Variants in NCOR2 observed in about 807,000 individuals in gnomAD.
NCOR2 encodes CTG repeat protein 26.
NCOR2 carries 81 observed loss-of-function variants against 262.9 expected under a neutral mutation model. The ratio of observed to expected loss-of-function variants is 0.31; its 90% CI spans 0.26 to 0.37. NCOR2 has a LOEUF of 0.37. Ranked by LOEUF, NCOR2 falls within the 10% of genes least tolerant of loss-of-function variation. NCOR2 has a pLI of 1.00. For synonymous variants in NCOR2, 1,659 were observed against 1,559.3 expected (o/e 1.06, Z -1.51); for missense variants, 3,385 against 3,621.4 (o/e 0.93, Z 1.68).
At chr12:124,479,345 TACAC>T (rs1400893630) in intron 3 of NCOR2, among the ~76,000 whole-genome samples, 1 of 142,694 alleles carries the variant, frequency 7.0e-6, no homozygotes, top group Non-Finnish European at 1.5e-5. Context: ...CAAACACACA[TACAC>T]ACGTGCAACA....
chr12:124,402,289 G>C, intron 14 of NCOR2, 115 bp downstream of exon 16: 1 of 1,543,744 alleles, frequency 6.5e-7, no homozygotes, highest in Non-Finnish European at 8.8e-7. Context: ...CCTCCCCCCT[G>C]CTCACAGGCA....
At chr12:124,366,936 G>A (rs1044420387) in intron 20 of NCOR2, among the ~76,000 whole-genome samples, 1 of 152,140 alleles carries the variant, frequency 6.6e-6, no homozygotes, top group Non-Finnish European at 1.5e-5. Flanking sequence ...CGTATCAGCT[G>A]TATTTTCTCT....
chr12:124,496,652 T>A (rs888450663), upstream of NCOR2, among the ~76,000 whole-genome samples: 1 of 152,116 alleles, frequency 6.6e-6, no homozygotes, highest in Non-Finnish European at 1.5e-5. This position sits in a 1 kb window ranked among gnomAD's most constrained non-coding sequence, Gnocchi z 4.4. Context: ...GGAGGGGCAT[T>A]GGGAGGAAGG....
In NCOR2 at chr12:124,358,963, G is replaced by A. The variant is rs148065570; in HGVS notation, c.3101-2181C>T. On this transcript the variant is annotated intron_variant, in intron 22 of 46. Coordinates refer to ENST00000405201, the Ensembl canonical transcript of NCOR2. ...GGCCCCAGCTAGCAAGTGGCAGATA[G>A]CGGCTTCGAACCCAGGCACTGGGGC... Among the ~76,000 whole-genome samples the A allele has an allele frequency of 6.2e-4, 94 of 152,394 alleles. 1 individual carries two copies. The highest frequency in any genetic ancestry group is 2.2e-3 in the African/African-American group (91 of 41,598).
intron 7 of NCOR2, 90 bp from the exon 10 acceptor site, chr12:124,438,086 A>C (rs1174715266): frequency 7.7e-7 from 1 of 1,292,654 alleles, no homozygotes; most frequent in Admixed American, 2.0e-5. Flanking sequence ...GTGAGCCCCA[A>C]ATTTGCCCCG....
At chr12:124,370,520 G>A (rs1243536223) in intron 20 of NCOR2, among the ~76,000 whole-genome samples, 3 of 152,174 alleles carry the variant, frequency 2.0e-5, no homozygotes, top group African/African-American at 4.8e-5. Context: ...ACTTGGGAGG[G>A]GAGAAAACAG....
chr12:124,373,301 C>CT (rs1488001113), intron 19 of NCOR2, among the ~76,000 whole-genome samples: 2 of 51,872 alleles, frequency 3.9e-5, no homozygotes, highest in African/African-American at 1.2e-4. Context: ...GTGCAGGGGC[C>CT]CGGGCACAGT....
chr12:124,534,139 C>T (rs1246859961), intron 1 of NCOR2, among the ~76,000 whole-genome samples: 1 of 152,002 alleles, frequency 6.6e-6, no homozygotes, highest in Non-Finnish European at 1.5e-5. Context: ...CACTAGGTAT[C>T]CAAACACAGA....
rs2043987221 is a variant in NCOR2, at chr12:124,432,088, C to G, written c.883-1301G>C. 6.6e-6 allele frequency among the ~76,000 whole-genome samples: 1 copy of G among 151,730 alleles called. No homozygotes were observed. The highest frequency in any genetic ancestry group is 2.4e-5 in the African/African-American group (1 of 41,222). On this transcript the variant is annotated intron_variant, in intron 8 of 46. Transcript: ENST00000405201. This position sits in a 1 kb window ranked among gnomAD's most constrained non-coding sequence, Gnocchi z 5.1. Reference sequence around the variant, plus strand: ...AGGCGGTCACACAGGCAGGCAGACACACACACACGGTCATCCAGGCAGACA... The same window carrying G: ...AGGCGGTCACACAGGCAGGCAGACAGACACACACGGTCATCCAGGCAGACA...
chr12:124,396,518 G>A (rs2041667396), intron 16 of NCOR2, among the ~76,000 whole-genome samples: 1 of 143,982 alleles, frequency 6.9e-6, no homozygotes, highest in South Asian at 2.1e-4. Context: ...CTACCAGCTG[G>A]ATACAGTGCC....
intron 19 of NCOR2, among the ~76,000 whole-genome samples, chr12:124,372,904 C>G (rs572000626): frequency 6.6e-6 from 1 of 152,266 alleles, no homozygotes; most frequent in South Asian, 2.1e-4. Flanking sequence ...GCACCCCCGA[C>G]AGATGGAGCC....
chr12:124,459,832 G>A (rs1179464388), intron 5 of NCOR2, among the ~76,000 whole-genome samples: 2 of 152,018 alleles, frequency 1.3e-5, no homozygotes, highest in Non-Finnish European at 2.9e-5. Context: ...CAAACTCCTC[G>A]CCAGGGTCAA....
intron 8 of NCOR2, among the ~76,000 whole-genome samples, chr12:124,434,433 TG>T (rs1463674272): frequency 6.6e-6 from 1 of 152,150 alleles, no homozygotes; most frequent in Admixed American, 6.5e-5. Flanking sequence ...GGACCCTTCT[TG>T]GAAGTCCTTG....
chr12:124,374,608 C>T, intron 18 of NCOR2, 145 bp from the exon 21 acceptor site: 1 of 790,612 alleles, frequency 1.3e-6, no homozygotes, highest in South Asian at 1.6e-5. Flanking sequence ...CCCCGACTGC[C>T]CTTCTCCATG....
chr12:124,515,655 G>A (rs886176856), intron 1 of NCOR2, among the ~76,000 whole-genome samples: 1 of 89,318 alleles, frequency 1.1e-5, no homozygotes, highest in Non-Finnish European at 2.9e-5. Context: ...GCATATGAGT[G>A]TGAGTGTGCA....
intron 34 of NCOR2, 126 bp downstream of exon 36, chr12:124,341,697 G>T: frequency 7.1e-7 from 1 of 1,417,134 alleles, no homozygotes; most frequent in Non-Finnish European, 9.5e-7. Flanking sequence ...ACCCACTCAG[G>T]TCCGTTCACA....
intron 17 of NCOR2, among the ~76,000 whole-genome samples, chr12:124,382,112 G>A (rs2040455599): frequency 6.6e-6 from 1 of 152,246 alleles, no homozygotes; most frequent in African/African-American, 2.4e-5. Context: ...AGAGGTGGCT[G>A]ATACTGCGTT....
chr12:124,487,676 G>A (rs2047846161), intron 1 of NCOR2, among the ~76,000 whole-genome samples: 2 of 152,234 alleles, frequency 1.3e-5, no homozygotes, highest in East Asian at 1.9e-4. Flanking sequence ...CGCTGAGCCT[G>A]GTCTCTCTCC....
intron 3 of NCOR2, 125 bp from the exon 6 acceptor site, chr12:124,473,256 T>G: frequency 1.7e-6 from 2 of 1,161,126 alleles, no homozygotes; most frequent in Non-Finnish European, 2.4e-6. Flanking sequence ...ATCCTCGGTA[T>G]GTCTGTGAGG....
Sources: allele counts gnomAD v4.1 joint callset (sites outside exome capture counted in the v4.1 genomes callset), GRCh38; gene constraint gnomAD v4.1.1; non-coding constraint Gnocchi (gnomAD v3.1); transcripts MANE v1.5; gene names NCBI Gene and HGNC (gene_info 2026-07-23, HGNC 2026-07-21).